Variants in MSRA observed in about 807,000 individuals in gnomAD.
MSRA encodes the protein mitochondrial peptide methionine sulfoxide reductase.
Under a neutral mutation model 31.3 loss-of-function variants are expected in MSRA, and 54 were observed. The ratio of observed to expected loss-of-function variants is 1.73; its 90% CI spans 1.39 to 2.17. The LOEUF is 2.17. Ranked by LOEUF, MSRA falls within the 30% of genes most tolerant of loss-of-function variation. The probability of loss-of-function intolerance (pLI) is 0.00; values close to 1 mark genes in which losing one functional copy is unlikely to be tolerated. For synonymous variants in MSRA, 169 were observed against 116.5 expected (o/e 1.45, Z -2.90); for missense variants, 507 against 300.9 (o/e 1.69, Z -5.07).
At chr8:10,374,542 C>T (rs973816367) in intron 5 of MSRA, among the ~76,000 whole-genome samples, 1 of 152,204 alleles carries the variant, frequency 6.6e-6, no homozygotes, top group Non-Finnish European at 1.5e-5. Context: ...CGCCCAAGGT[C>T]TTCCAGATAG....
chr8:10,229,457 C>T (rs1239985907), intron 2 of MSRA, among the ~76,000 whole-genome samples: 1 of 152,080 alleles, frequency 6.6e-6, no homozygotes, highest in Non-Finnish European at 1.5e-5. Context: ...GGACTGGGGG[C>T]CGGCTCTGAG....
chr8:10,352,530 G>A (rs935268431), intron 5 of MSRA, among the ~76,000 whole-genome samples: 1 of 152,114 alleles, frequency 6.6e-6, no homozygotes, highest in Non-Finnish European at 1.5e-5. Flanking sequence ...GATCCGAGGA[G>A]CCAGCTTATC....
chr8:10,141,062 G>C (rs1802662760), intron 1 of MSRA, among the ~76,000 whole-genome samples: 2 of 152,190 alleles, frequency 1.3e-5, no homozygotes, highest in Non-Finnish European at 2.9e-5. Flanking sequence ...GCAGTGAGTT[G>C]TAGAGGGCCT....
chr8:10,368,439 T>C (rs1207310903), intron 5 of MSRA, among the ~76,000 whole-genome samples: 1 of 152,222 alleles, frequency 6.6e-6, no homozygotes, highest in Non-Finnish European at 1.5e-5. Flanking sequence ...AAAGTGTGAC[T>C]CCTTCCAGGG....
At chr8:10,362,461 CAA>C (rs11388593) in intron 5 of MSRA, among the ~76,000 whole-genome samples, 1,304 of 76,698 alleles carry the variant, frequency 0.017, 17 homozygotes, top group African/African-American at 0.06. Context: ...ATACCATAAG[CAA>C]AAAAAAAAAA....
At chr8:10,406,937 T>C (rs982149069) in intron 5 of MSRA, among the ~76,000 whole-genome samples, 3 of 152,202 alleles carry the variant, frequency 2.0e-5, no homozygotes, top group African/African-American at 7.2e-5. Context: ...CCTGTGGCCT[T>C]GATCTTCTGG....
intron 5 of MSRA, among the ~76,000 whole-genome samples, chr8:10,410,002 G>T (rs1042477342): frequency 1.3e-5 from 2 of 152,222 alleles, no homozygotes; most frequent in African/African-American, 4.8e-5. Flanking sequence ...TGAGGCAGCA[G>T]TGAGCTATCG....
intron 1 of MSRA, among the ~76,000 whole-genome samples, chr8:10,127,824 T>A (rs1801608956): frequency 1.3e-5 from 2 of 152,214 alleles, no homozygotes; most frequent in South Asian, 4.1e-4. Flanking sequence ...AACCTCATCC[T>A]TTTATCTTGA....
intron 2 of MSRA, among the ~76,000 whole-genome samples, chr8:10,229,353 T>C (rs1411533298): frequency 6.6e-6 from 1 of 152,144 alleles, no homozygotes; most frequent in Non-Finnish European, 1.5e-5. Flanking sequence ...CCAAAGAGTT[T>C]TATGCTTGAG....
chr8:10,222,685 A>G (rs529195303), intron 2 of MSRA, among the ~76,000 whole-genome samples: 21 of 152,370 alleles, frequency 1.4e-4, no homozygotes, highest in African/African-American at 4.6e-4. Flanking sequence ...GTCGTTGGCA[A>G]CAGTATTGAT....
intron 5 of MSRA, among the ~76,000 whole-genome samples, chr8:10,385,213 G>C (rs1393214000): frequency 2.6e-5 from 4 of 152,174 alleles, no homozygotes; most frequent in African/African-American, 7.2e-5. Context: ...GATTCCTGCT[G>C]ATGGCACGCC....
chr8:10,347,032 C>T (rs749603270), intron 5 of MSRA, among the ~76,000 whole-genome samples: 5 of 152,170 alleles, frequency 3.3e-5, no homozygotes, highest in Non-Finnish European at 7.3e-5. Flanking sequence ...CACACCCCAT[C>T]ATTCTGGCTG....
At chr8:10,179,868 T>G (rs909743252) in intron 1 of MSRA, among the ~76,000 whole-genome samples, 5 of 152,196 alleles carry the variant, frequency 3.3e-5, no homozygotes, top group Non-Finnish European at 7.4e-5. Context: ...ATGTAAAGAT[T>G]TTTATTTGCA....
chr8:10,128,028 C>A (rs781266748), intron 1 of MSRA, among the ~76,000 whole-genome samples: 3 of 152,100 alleles, frequency 2.0e-5, no homozygotes, highest in Admixed American at 1.3e-4. Context: ...GAGAGGAGAA[C>A]TGCGGATCTT....
intron 3 of MSRA, among the ~76,000 whole-genome samples, chr8:10,287,790 G>C (rs1013702301): frequency 6.6e-6 from 1 of 152,134 alleles, no homozygotes; most frequent in Non-Finnish European, 1.5e-5. Flanking sequence ...CAGGGGTCAA[G>C]GGGACCATGG....
rs184571553 is a variant in MSRA at position 10,074,709 on chromosome 8, A to G, written c.142+20051A>G. On this transcript the variant is annotated intron_variant, in intron 1 of 5. Coordinates refer to ENST00000317173, the MANE Select transcript of MSRA (RefSeq NM_012331.5). ...AGTCTTGCTCTGTTGCTGAGGCTGG[A>G]GTGCAGTAGTACGACGCCTCCTCAC... is the stretch of plus-strand genomic sequence containing the variant. 1.6e-3 allele frequency among the ~76,000 whole-genome samples: 243 copies of G among 151,622 alleles called. 2 individuals carry two copies. The highest frequency in any genetic ancestry group is 6.8e-3 in the Middle Eastern group (2 of 294).
At chr8:10,066,789 C>A (rs2128915650) in intron 1 of MSRA, among the ~76,000 whole-genome samples, 1 of 152,266 alleles carries the variant, frequency 6.6e-6, no homozygotes, top group South Asian at 2.1e-4. Context: ...CCTACCTCAC[C>A]CTCCCAAAGT....
chr8:10,265,659 T>C (rs1798708034), intron 3 of MSRA, among the ~76,000 whole-genome samples: 1 of 152,318 alleles, frequency 6.6e-6, no homozygotes, highest in African/African-American at 2.4e-5. Context: ...GTATACGTTT[T>C]GACATAGGTA....
intron 2 of MSRA, among the ~76,000 whole-genome samples, chr8:10,243,950 A>G (rs1306796008): frequency 6.6e-6 from 1 of 152,220 alleles, no homozygotes; most frequent in Non-Finnish European, 1.5e-5. Flanking sequence ...TAGCAAATAG[A>G]ATATCTTTGT....
Sources: gnomAD v4.1 joint callset for allele counts (sites outside exome capture counted in the v4.1 genomes callset) on GRCh38, gnomAD v4.1.1 for gene constraint, MANE v1.5 for transcripts, NCBI Gene and HGNC (gene_info 2026-07-23, HGNC 2026-07-21) for gene names.